SRRM3: variants seen among roughly 807,000 people sequenced by gnomAD.
SRRM3 encodes serine/arginine repetitive matrix protein 3.
SRRM3 carries 27 observed loss-of-function variants against 66.2 expected under a neutral mutation model. The ratio of observed to expected loss-of-function variants is 0.41; its 90% CI spans 0.30 to 0.56. SRRM3 has a LOEUF of 0.56. Among genes scored for constraint, SRRM3 ranks in the 20% least tolerant of loss-of-function variants. SRRM3 has a pLI of 0.32. For missense variants in SRRM3, 918 were observed against 991.9 expected, an observed-to-expected ratio of 0.93 and a Z score of 1.00; for synonymous variants, 391 against 414.9, an observed-to-expected ratio of 0.94 and a Z score of 0.70.
intron 11 of SRRM3, chr7:76,269,756 C>T (rs1479827650): frequency 6.3e-5 from 9 of 143,612 alleles, no homozygotes; most frequent in South Asian, 2.2e-4. Context: ...CTTTTCCTTT[C>T]TTTTTTTTTT....
Position 76,248,240 on chromosome 7 carries a change from A to T in SRRM3, c.286A>T (p.Met96Leu), listed in dbSNP as rs1554606387. The change falls in exon 3 of 15, where the codon ATG becomes TTG. Residue 96 changes from methionine (M) to leucine (L), a missense_variant. Met to Leu is a conservative substitution (Grantham distance 15). Coordinates refer to ENST00000611745, the MANE Select transcript of SRRM3 (RefSeq NM_001110199.3). Reference protein sequence around the residue: ...QKVGTFRQMLMEKEGVLTRED... With the variant: ...QKVGTFRQMLLEKEGVLTRED... ...AGTGGGGACATTCCGGCAGATGCTG[A>T]TGGAGAAGGAGGGAGTGCTCACCAG... The T allele has an allele frequency of 1.2e-6, 2 of 1,613,860 alleles. No individual in the cohort carries two copies. The highest frequency in any genetic ancestry group is 4.5e-5 in the East Asian group (2 of 44,882).
At chr7:76,212,464 CTT>C (rs1173761653) in intron 1 of SRRM3, among the ~76,000 whole-genome samples, 181 of 98,080 alleles carry the variant, frequency 1.8e-3, no homozygotes, top group Middle Eastern at 0.017. Flanking sequence ...GCAAGGTCTG[CTT>C]TTTTTTTTTT....
chr7:76,220,525 G>A (rs936646222), intron 1 of SRRM3, among the ~76,000 whole-genome samples: 2 of 152,098 alleles, frequency 1.3e-5, no homozygotes, highest in Admixed American at 1.3e-4. Context: ...CGCCCTCTCT[G>A]CCTCACCGGC....
At chr7:76,250,189 G>T (rs1554606721) in intron 3 of SRRM3, among the ~76,000 whole-genome samples, 1 of 151,826 alleles carries the variant, frequency 6.6e-6, no homozygotes, top group East Asian at 1.9e-4. Flanking sequence ...GACTACAGGT[G>T]CATGCCACCA....
intron 11 of SRRM3, chr7:76,267,657 C>A: frequency 2.4e-6 from 1 of 410,730 alleles, no homozygotes; most frequent in Non-Finnish European, 4.2e-6. Context: ...GGGTGAGGGG[C>A]GCCTGCGGTC....
intron 2 of SRRM3, among the ~76,000 whole-genome samples, chr7:76,236,004 T>TAAAA (rs1801140390): frequency 4.8e-5 from 1 of 20,642 alleles, no homozygotes; most frequent in Non-Finnish European, 7.0e-5. Flanking sequence ...AGATTCTGTC[T>TAAAA]CAAAAAAAAA....
intron 2 of SRRM3, among the ~76,000 whole-genome samples, chr7:76,244,069 A>C (rs905861478): frequency 2.7e-4 from 41 of 152,318 alleles, no homozygotes; most frequent in African/African-American, 8.9e-4. Context: ...GGTTGGTGGC[A>C]GCAGTGCAGG....
chr7:76,206,866 G>A (rs1230089108), intron 1 of SRRM3, among the ~76,000 whole-genome samples: 2 of 152,200 alleles, frequency 1.3e-5, no homozygotes, highest in Admixed American at 6.5e-5. Context: ...CTGTGCCGGC[G>A]GAAGCTGACG....
At chr7:76,234,934 G>C in intron 1 of SRRM3, 94 bp from the exon 2 acceptor site, 1 of 729,046 alleles carries the variant, frequency 1.4e-6, no homozygotes, top group Non-Finnish European at 2.2e-6. Flanking sequence ...CCATGAGTGT[G>C]CCCTTAAATC....
chr7:76,208,848 A>G (rs1336623733), intron 1 of SRRM3, among the ~76,000 whole-genome samples: 4 of 151,310 alleles, frequency 2.6e-5, no homozygotes, highest in Admixed American at 2.0e-4. Flanking sequence ...AAAAAAAAAG[A>G]AAGAAAAAAG....
chr7:76,231,223 T>C (rs926022348), intron 1 of SRRM3, among the ~76,000 whole-genome samples: 1 of 152,194 alleles, frequency 6.6e-6, no homozygotes. Context: ...GATTCCCACC[T>C]GGTGCCTCTC....
intron 3 of SRRM3, among the ~76,000 whole-genome samples, chr7:76,258,825 A>C (rs6978792): frequency 2.4e-4 from 37 of 151,594 alleles, no homozygotes; most frequent in Admixed American, 2.4e-3. Flanking sequence ...GGGAGGCCAA[A>C]GCTGGCAGAT....
intron 2 of SRRM3, among the ~76,000 whole-genome samples, chr7:76,237,891 G>A (rs1801187913): frequency 6.6e-6 from 1 of 151,670 alleles, no homozygotes; most frequent in Non-Finnish European, 1.5e-5. Context: ...CAAGCAAAAG[G>A]TGATGGCATT....
At chr7:76,212,387 C>T (rs1800455584) in intron 1 of SRRM3, among the ~76,000 whole-genome samples, 1 of 150,872 alleles carries the variant, frequency 6.6e-6, no homozygotes, top group Non-Finnish European at 1.5e-5. Context: ...GAACTCCTGG[C>T]CTCAACTGAT....
At chr7:76,211,627 C>T (rs1800433350) in intron 1 of SRRM3, among the ~76,000 whole-genome samples, 1 of 152,040 alleles carries the variant, frequency 6.6e-6, no homozygotes, top group Non-Finnish European at 1.5e-5. Context: ...TGGGGCCTTT[C>T]CTCTCCTCTC....
intron 1 of SRRM3, among the ~76,000 whole-genome samples, chr7:76,218,916 G>T (rs1234993898): frequency 6.6e-6 from 1 of 152,102 alleles, no homozygotes. Context: ...GTGCAGCGGC[G>T]TGATCTTGGC....
At position 76,264,748 on chromosome 7, in the gene SRRM3, G is replaced by GTC; in HGVS notation, c.675-13_675-12dup. The GTC allele has an allele frequency of 2.5e-6, 4 of 1,613,770 alleles. No homozygotes were observed. Among genetic ancestry groups the GTC allele is most frequent in the Non-Finnish European group, 1.7e-6 (2 of 1,179,852 alleles). Reference sequence around the variant, plus strand: ...CTCCCCGGGCCACACCATCACTGTGGTCTCTGCTCTCTGCAGATCTCGAAG... The same window carrying GTC: ...CTCCCCGGGCCACACCATCACTGTGGTCTCTCTGCTCTCTGCAGATCTCGAAG... On this transcript the variant is annotated splice_polypyrimidine_tract_variant and intron_variant, in intron 8 of 14. Transcript: ENST00000611745.
At chr7:76,209,768 C>G (rs1380809018) in intron 1 of SRRM3, among the ~76,000 whole-genome samples, 6 of 152,102 alleles carry the variant, frequency 3.9e-5, no homozygotes, top group African/African-American at 1.4e-4. Context: ...CCACACCCAA[C>G]TAATTTTTTA....
At chr7:76,282,607 C>A in intron 12 of SRRM3, 41 bp from the exon 13 acceptor site, 1 of 1,172,340 alleles carries the variant, frequency 8.5e-7, no homozygotes, top group African/African-American at 1.6e-5. Context: ...GCCCCCTTTC[C>A]GGGTCGCTGA....
Sources: allele counts gnomAD v4.1 joint callset (sites outside exome capture counted in the v4.1 genomes callset), GRCh38; gene constraint gnomAD v4.1.1; transcripts MANE v1.5; gene names NCBI Gene and HGNC (gene_info 2026-07-23, HGNC 2026-07-21).